The following LIPC variants were observed in gnomAD, a reference collection of about 807,000 sequenced individuals.
The protein encoded by LIPC is lipase C, hepatic type, also known as hepatic triacylglycerol lipase.
In LIPC, 44 loss-of-function variants were observed where a neutral mutation model predicts 50.7. The observed-to-expected ratio is 0.87, with a 90% CI of 0.68 to 1.11. The LOEUF is 1.11. LIPC is among the 50% of genes most tolerant of loss of function. The probability of loss-of-function intolerance (pLI) is 0.00; values close to 1 mark genes in which losing one functional copy is unlikely to be tolerated. For missense variants in LIPC, 697 were observed against 648.2 expected (o/e 1.08, Z -0.82); for synonymous variants, 271 against 256.4 (o/e 1.06, Z -0.54).
rs1894479356 is a variant in LIPC, at chr15:58,569,134, A to C, written c.*307A>C. The C allele has an allele frequency of 4.8e-6, 1 of 206,834 alleles. No homozygotes were observed. Among genetic ancestry groups the C allele is most frequent in the Admixed American group, 5.3e-5 (1 of 18,716 alleles). 12.8% of individuals were successfully genotyped at this position (206,834 alleles called of 1,614,324 possible). A position where few individuals can be genotyped will look rare whatever the true frequency, so the allele number is the denominator to read the frequency against. ...TGTTCTAATTTACAATGTCTTTTAT[A>C]ATTAAGTTTCCCACATGTCCTTGCT... On this transcript the variant is annotated 3_prime_UTR_variant, in exon 9 of 9. Transcript: ENST00000299022.
At chr15:58,557,857 C>G (rs1189778686) in intron 6 of LIPC, among the ~76,000 whole-genome samples, 1 of 152,100 alleles carries the variant, frequency 6.6e-6, no homozygotes, top group East Asian at 1.9e-4. Context: ...AGTCCTCCCA[C>G]ATCTTACCCC....
intron 7 of LIPC, among the ~76,000 whole-genome samples, chr15:58,561,297 G>A (rs1894154251): frequency 6.6e-6 from 1 of 152,204 alleles, no homozygotes; most frequent in Non-Finnish European, 1.5e-5. Flanking sequence ...GGTCCAGAAA[G>A]GCAGGAGAAC....
At chr15:58,489,114 T>C (rs1157167724) in intron 1 of LIPC, among the ~76,000 whole-genome samples, 1 of 150,888 alleles carries the variant, frequency 6.6e-6, no homozygotes, top group Non-Finnish European at 1.5e-5. Flanking sequence ...GCTGAACAGA[T>C]GGTTGCCTCC....
At position 58,432,370 on chromosome 15, in the gene LIPC, G is replaced by A. The variant is rs564392195; in HGVS notation, c.88+250G>A. On this transcript the variant is annotated intron_variant, in intron 1 of 8. Coordinates refer to ENST00000299022, the MANE Select transcript of LIPC (RefSeq NM_000236.3). ...TGCAGCTAGCAGTGAAGTCTCTTGC[G>A]TATCTGATATGGAAACAGTCATGCT... is the stretch of plus-strand genomic sequence containing the variant. The A allele has an allele frequency of 1.8e-4, 96 of 539,132 alleles. 1 individual carries two copies. Among genetic ancestry groups the A allele is most frequent in the African/African-American group, 1.7e-3 (90 of 52,714 alleles). The allele number at this position is 539,132 out of a possible 1,614,324, so 33.4% of individuals were successfully genotyped here.
intron 1 of LIPC, among the ~76,000 whole-genome samples, chr15:58,447,738 C>A (rs572713190): frequency 8.2e-4 from 124 of 152,124 alleles, no homozygotes; most frequent in Non-Finnish European, 1.6e-3. Flanking sequence ...GCTCCAGGAT[C>A]CTGAATTCCT....
At chr15:58,521,566 T>A (rs919364946) in intron 1 of LIPC, 2 of 152,208 alleles carry the variant, frequency 1.3e-5, no homozygotes, top group Non-Finnish European at 2.9e-5. Context: ...TGGAGCCGCG[T>A]GTCGCAGGAT....
At chr15:58,520,639 G>C (rs946268686) in intron 1 of LIPC, among the ~76,000 whole-genome samples, 1 of 152,204 alleles carries the variant, frequency 6.6e-6, no homozygotes, top group Non-Finnish European at 1.5e-5. Context: ...GAAATACGGA[G>C]GGCGGGGGCA....
intron 2 of LIPC, among the ~76,000 whole-genome samples, chr15:58,539,488 C>T (rs1389325379): frequency 6.6e-6 from 1 of 152,170 alleles, no homozygotes; most frequent in Non-Finnish European, 1.5e-5. Context: ...CATGTGAGAA[C>T]TTGTCTCCAA....
intron 1 of LIPC, among the ~76,000 whole-genome samples, chr15:58,475,208 G>T (rs1197104208): frequency 6.6e-6 from 1 of 152,194 alleles, no homozygotes; most frequent in Non-Finnish European, 1.5e-5. Context: ...GCCCTCTTCA[G>T]TGTCTGGCCT....
At position 58,527,190 on chromosome 15, in the gene LIPC, C is replaced by T. The variant is rs188789301; in HGVS notation, c.89-11143C>T. Reference sequence around the variant, plus strand: ...TCAGAACTTAGATGTGCGGAGAAATCGAATTCTGGTCCTGGTTTGCTTTTT... The same window carrying T: ...TCAGAACTTAGATGTGCGGAGAAATTGAATTCTGGTCCTGGTTTGCTTTTT... On this transcript the variant is annotated intron_variant, in intron 1 of 8. Coordinates refer to ENST00000299022, the MANE Select transcript of LIPC (RefSeq NM_000236.3). Among the ~76,000 whole-genome samples, 25 of 152,318 alleles carry T rather than the reference C, an allele frequency of 1.6e-4. No homozygotes were observed. The East Asian group carries it at 4.0e-3, about 25-fold the overall frequency.
chr15:58,493,292 C>G (rs916048863), intron 1 of LIPC, among the ~76,000 whole-genome samples: 2 of 152,066 alleles, frequency 1.3e-5, no homozygotes. Flanking sequence ...ACTGTCTGCC[C>G]GTTTGGACTA....
At chr15:58,458,146 C>G (rs1431997049) in intron 1 of LIPC, among the ~76,000 whole-genome samples, 1 of 144,510 alleles carries the variant, frequency 6.9e-6, no homozygotes, top group Non-Finnish European at 1.5e-5. Context: ...TTTTTTTACT[C>G]CTACAGAAGC....
chr15:58,528,654 A>G (rs1260639608), intron 1 of LIPC, among the ~76,000 whole-genome samples: 2 of 152,160 alleles, frequency 1.3e-5, no homozygotes, highest in African/African-American at 4.8e-5. Context: ...ACAGGCACGC[A>G]CCACCATACC....
Position 58,509,622 on chromosome 15 carries a change from T to C in LIPC, c.89-28711T>C, listed in dbSNP as rs535095584. Reference sequence around the variant, plus strand: ...CTTTATTCTTTTTTTTAACATATAATAGCCATACTATGGCTTACCAACTCC... The same window carrying C: ...CTTTATTCTTTTTTTTAACATATAACAGCCATACTATGGCTTACCAACTCC... On this transcript the variant is annotated intron_variant, in intron 1 of 8. Coordinates refer to ENST00000299022, the MANE Select transcript of LIPC (RefSeq NM_000236.3). Among the ~76,000 whole-genome samples the C allele has an allele frequency of 8.1e-4, 123 of 152,318 alleles. 1 individual carries two copies. Among genetic ancestry groups the C allele is most frequent in the African/African-American group, 2.8e-3 (116 of 41,564 alleles).
At chr15:58,434,133 G>A (rs1595840740) in intron 1 of LIPC, among the ~76,000 whole-genome samples, 1 of 152,082 alleles carries the variant, frequency 6.6e-6, no homozygotes, top group Non-Finnish European at 1.5e-5. Context: ...GTGGGTAGAG[G>A]CCAGGGAAGC....
At chr15:58,508,554 C>A (rs576495420) in intron 1 of LIPC, among the ~76,000 whole-genome samples, 40 of 152,310 alleles carry the variant, frequency 2.6e-4, no homozygotes, top group Non-Finnish European at 4.7e-4. Flanking sequence ...GCCGACCCCC[C>A]TCCATCCCTT....
intron 1 of LIPC, among the ~76,000 whole-genome samples, chr15:58,475,653 C>A (rs1890970051): frequency 6.6e-6 from 1 of 152,224 alleles, no homozygotes; most frequent in Non-Finnish European, 1.5e-5. Flanking sequence ...ACATCTGTCT[C>A]TACCAGCAAA....
At chr15:58,492,759 T>C (rs1357750074) in intron 1 of LIPC, among the ~76,000 whole-genome samples, 1 of 152,092 alleles carries the variant, frequency 6.6e-6, no homozygotes, top group Non-Finnish European at 1.5e-5. Flanking sequence ...TGTTTTAAAG[T>C]TTCACTCACC....
intron 5 of LIPC, 24 bp from the exon 6 acceptor site, chr15:58,548,306 C>T (rs1480840096): frequency 5.6e-6 from 9 of 1,613,850 alleles, no homozygotes; most frequent in Non-Finnish European, 5.9e-6. Context: ...GGGGTGATAA[C>T]GTCCTTCTTG....
Sources: gnomAD v4.1 joint callset for allele counts (sites outside exome capture counted in the v4.1 genomes callset) on GRCh38, gnomAD v4.1.1 for gene constraint, MANE v1.5 for transcripts, NCBI Gene and HGNC (gene_info 2026-07-23, HGNC 2026-07-21) for gene names.